Variants in DOK6 observed in about 807,000 individuals in gnomAD.
DOK6 encodes the protein docking protein 6.
DOK6 carries 22 observed loss-of-function variants against 44.0 expected under a neutral mutation model. The ratio of observed to expected loss-of-function variants is 0.50; its 90% CI spans 0.36 to 0.71. DOK6 has a LOEUF of 0.71. Among genes scored for constraint, DOK6 ranks in the 30% least tolerant of loss-of-function variants. The pLI, the probability that DOK6 is intolerant of heterozygous loss-of-function variation, is 0.00. For synonymous variants in DOK6, 166 were observed against 145.5 expected, an observed-to-expected ratio of 1.14 and a Z score of -1.01; for missense variants, 340 against 416.4, an observed-to-expected ratio of 0.82 and a Z score of 1.60.
At chr18:69,681,328 C>A (rs1986039421) in intron 4 of DOK6, among the ~76,000 whole-genome samples, 3 of 152,176 alleles carry the variant, frequency 2.0e-5, no homozygotes, top group South Asian at 2.1e-4. Flanking sequence ...TGTTTTCCTG[C>A]CTCTTCAGAC....
At chr18:69,563,296 G>T (rs1228531941) in intron 1 of DOK6, among the ~76,000 whole-genome samples, 3 of 152,012 alleles carry the variant, frequency 2.0e-5, no homozygotes, top group Non-Finnish European at 2.9e-5. Flanking sequence ...CCATCCCATT[G>T]CTGGGTATAT....
chr18:69,498,124 TTAC>T (rs1303127678), intron 1 of DOK6, among the ~76,000 whole-genome samples: 1 of 152,154 alleles, frequency 6.6e-6, no homozygotes, highest in Non-Finnish European at 1.5e-5. Context: ...AATGTTAATC[TTAC>T]TATGTGCATA....
intron 5 of DOK6, among the ~76,000 whole-genome samples, chr18:69,734,558 C>G (rs758227531): frequency 3.3e-5 from 5 of 152,058 alleles, no homozygotes; most frequent in Non-Finnish European, 7.4e-5. Flanking sequence ...ATTTTAAATA[C>G]TGAATAGAAA....
chr18:69,826,064 T>C (rs1981731824), intron 7 of DOK6, among the ~76,000 whole-genome samples: 1 of 152,176 alleles, frequency 6.6e-6, no homozygotes, highest in Non-Finnish European at 1.5e-5. Flanking sequence ...TCTGTGTACT[T>C]CAGTGTCCTC....
chr18:69,479,864 G>T (rs553323184), intron 1 of DOK6, among the ~76,000 whole-genome samples: 1 of 152,192 alleles, frequency 6.6e-6, no homozygotes, highest in South Asian at 2.1e-4. Context: ...CATTTCTTTT[G>T]CATCTGTTTA....
At chr18:69,589,343 G>A (rs1983574537) in intron 2 of DOK6, among the ~76,000 whole-genome samples, 1 of 151,810 alleles carries the variant, frequency 6.6e-6, no homozygotes, top group Non-Finnish European at 1.5e-5. Flanking sequence ...ACTCTCAAAA[G>A]TAAAATCTTT....
chr18:69,538,355 G>A (rs1353177014), intron 1 of DOK6, among the ~76,000 whole-genome samples: 1 of 151,988 alleles, frequency 6.6e-6, no homozygotes, highest in East Asian at 1.9e-4. Flanking sequence ...TAATTTAAAA[G>A]TTTGGGTGCC....
At chr18:69,617,348 G>GAA (rs1412659649) in intron 3 of DOK6, among the ~76,000 whole-genome samples, 5 of 145,256 alleles carry the variant, frequency 3.4e-5, no homozygotes, top group East Asian at 4.4e-4. Context: ...AAGAAAGAAA[G>GAA]AGAAAGAAAG....
intron 7 of DOK6, among the ~76,000 whole-genome samples, chr18:69,809,185 A>C (rs1981141287): frequency 6.6e-6 from 1 of 151,872 alleles, no homozygotes; most frequent in Non-Finnish European, 1.5e-5. Context: ...CCACATTAAC[A>C]GAACGAAGGA....
chr18:69,651,628 A>G (rs1985230162), intron 3 of DOK6, among the ~76,000 whole-genome samples: 1 of 151,798 alleles, frequency 6.6e-6, no homozygotes, highest in South Asian at 2.1e-4. Context: ...AGCTAGGATT[A>G]CAGACATGTG....
intron 1 of DOK6, among the ~76,000 whole-genome samples, chr18:69,428,488 CAG>C (rs1483343472): frequency 2.0e-5 from 3 of 151,828 alleles, no homozygotes; most frequent in Middle Eastern, 3.2e-3. Context: ...GAGTTTCAAA[CAG>C]AAATTAAATA....
At chr18:69,607,299 A>AT (rs1452505742) in intron 3 of DOK6, among the ~76,000 whole-genome samples, 1 of 151,838 alleles carries the variant, frequency 6.6e-6, no homozygotes, top group East Asian at 1.9e-4. Context: ...ATATGATCTA[A>AT]TTTATTTTAT....
intron 5 of DOK6, among the ~76,000 whole-genome samples, chr18:69,701,701 T>G (rs1298669494): frequency 3.3e-5 from 5 of 152,216 alleles, no homozygotes; most frequent in Non-Finnish European, 7.3e-5. Flanking sequence ...CTCACTAACT[T>G]TGATAATATT....
At position 69,757,884 on chromosome 18, in the gene DOK6, T is replaced by G; in HGVS notation, c.856+11T>G. On this transcript the variant is annotated intron_variant, in intron 7 of 7. Transcript: ENST00000382713. ...TCTACAGTTTGCAAGGCAAGTCACT[T>G]TAATGTAAGAAAGCAGTGCCTCCAT... 6.2e-7 allele frequency: 1 copy of G among 1,609,952 alleles called. No individual in the cohort carries two copies. Among genetic ancestry groups the G allele is most frequent in the Non-Finnish European group, 8.5e-7 (1 of 1,176,180 alleles).
chr18:69,612,399 T>TTGTGCGCGAGGGCGCA (rs1737881100), intron 3 of DOK6, among the ~76,000 whole-genome samples: 1 of 62,414 alleles, frequency 1.6e-5, no homozygotes, highest in African/African-American at 5.9e-5. Context: ...CGAAGAGACT[T>TTGTGCGCGAGGGCGCA]TGTGTGCGAG....
chr18:69,564,733 G>T (rs1982927663), intron 2 of DOK6, 139 bp downstream of exon 2: 1 of 662,820 alleles, frequency 1.5e-6, no homozygotes. Context: ...AAATGCAGAA[G>T]TTATTTTTCT....
chr18:69,738,592 G>A (rs1459230503), intron 5 of DOK6, among the ~76,000 whole-genome samples: 1 of 152,144 alleles, frequency 6.6e-6, no homozygotes, highest in Non-Finnish European at 1.5e-5. Context: ...GGTGATAACT[G>A]CATAACAGTT....
chr18:69,776,331 G>A (rs1980061655), intron 7 of DOK6, among the ~76,000 whole-genome samples: 1 of 151,934 alleles, frequency 6.6e-6, no homozygotes, highest in South Asian at 2.1e-4. Context: ...ATGGGCTCAT[G>A]TTTTCAGATC....
chr18:69,472,136 C>T (rs1980130940), intron 1 of DOK6, among the ~76,000 whole-genome samples: 1 of 152,132 alleles, frequency 6.6e-6, no homozygotes, highest in Admixed American at 6.5e-5. Flanking sequence ...ATAACCTTAC[C>T]TAGGAAATAG....
Sources: gnomAD v4.1 joint callset for allele counts (sites outside exome capture counted in the v4.1 genomes callset) on GRCh38, gnomAD v4.1.1 for gene constraint, MANE v1.5 for transcripts, NCBI Gene and HGNC (gene_info 2026-07-23, HGNC 2026-07-21) for gene names.